Variants in CNTN5 observed in about 807,000 individuals in gnomAD.
The protein encoded by CNTN5 is contactin 5, also known as contactin-5.
Under a neutral mutation model 129.1 loss-of-function variants are expected in CNTN5, and 77 were observed. The ratio of observed to expected loss-of-function variants is 0.60; its 90% CI spans 0.50 to 0.72. The LOEUF (loss-of-function observed/expected upper bound fraction) is 0.72. CNTN5 is among the 30% of genes least tolerant of loss of function. The pLI is 0.00. For synonymous variants in CNTN5, 509 were observed against 465.6 expected, an observed-to-expected ratio of 1.09 and a Z score of -1.20; for missense variants, 1,478 against 1,328.8, an observed-to-expected ratio of 1.11 and a Z score of -1.75.
rs1353205706 is a variant in CNTN5, at chr11:100,286,480, C to A, written c.2315-11145C>A. ...CCCAAGCAGCCTAACTGGGAGGCAC[C>A]CCCCAGCAGGGGCACACTGACACCT... On this transcript the variant is annotated intron_variant, in intron 18 of 24. Coordinates refer to ENST00000524871, the MANE Select transcript of CNTN5 (RefSeq NM_014361.4). Among the ~76,000 whole-genome samples the A allele has an allele frequency of 3.3e-5, 5 of 150,620 alleles. No individual in the cohort carries two copies. The East Asian group carries it at 9.8e-4, about 30-fold the overall frequency.
At chr11:99,786,660 T>C (rs992354051) in intron 3 of CNTN5, among the ~76,000 whole-genome samples, 4 of 152,064 alleles carry the variant, frequency 2.6e-5, no homozygotes, top group Non-Finnish European at 5.9e-5. Context: ...AACAGACATA[T>C]AGACCAATGG....
intron 1 of CNTN5, among the ~76,000 whole-genome samples, chr11:99,314,952 G>A (rs934264161): frequency 6.7e-6 from 1 of 148,702 alleles, no homozygotes; most frequent in Non-Finnish European, 1.5e-5. Flanking sequence ...GTAGCTCTGT[G>A]GGTGGGGGGA....
chr11:99,025,294 T>G (rs1441739845), intron 1 of CNTN5, among the ~76,000 whole-genome samples: 1 of 151,944 alleles, frequency 6.6e-6, no homozygotes, highest in Non-Finnish European at 1.5e-5. Flanking sequence ...GGAAAGTGAC[T>G]AAACTGAACA....
chr11:99,635,085 T>C (rs1190698309), intron 3 of CNTN5, among the ~76,000 whole-genome samples: 1 of 152,218 alleles, frequency 6.6e-6, no homozygotes, highest in Non-Finnish European at 1.5e-5. Context: ...GGAAATGGTG[T>C]GGGTTTGACT....
chr11:100,323,861 AT>A (rs908335039), intron 21 of CNTN5, among the ~76,000 whole-genome samples: 1 of 151,446 alleles, frequency 6.6e-6, no homozygotes, highest in African/African-American at 2.4e-5. Flanking sequence ...TTTGGCTTTT[AT>A]TTTTTTCCAG....
chr11:100,034,357 A>G (rs999051482), intron 9 of CNTN5, among the ~76,000 whole-genome samples: 3 of 152,230 alleles, frequency 2.0e-5, no homozygotes, highest in Non-Finnish European at 4.4e-5. Context: ...TAAAGTTGCT[A>G]TCTCCTTTTT....
chr11:99,144,775 A>T (rs964691812), intron 1 of CNTN5, among the ~76,000 whole-genome samples: 1 of 151,958 alleles, frequency 6.6e-6, no homozygotes, highest in Admixed American at 6.6e-5. Context: ...TTTTAATGAT[A>T]TCTCTTTGTT....
intron 2 of CNTN5, among the ~76,000 whole-genome samples, chr11:99,355,385 G>A (rs906136869): frequency 1.3e-5 from 2 of 152,070 alleles, no homozygotes; most frequent in Admixed American, 1.3e-4. Context: ...AATGGACCCT[G>A]TGCTCTAAGA....
At chr11:99,116,793 G>T (rs12791892) in intron 1 of CNTN5, among the ~76,000 whole-genome samples, 6 of 152,118 alleles carry the variant, frequency 3.9e-5, no homozygotes, top group Non-Finnish European at 2.9e-5. Flanking sequence ...GGAAACAGAT[G>T]AATACATTTA....
intron 16 of CNTN5, among the ~76,000 whole-genome samples, chr11:100,232,098 GA>G (rs1949503415): frequency 6.6e-6 from 1 of 152,134 alleles, no homozygotes; most frequent in African/African-American, 2.4e-5. Flanking sequence ...AGGTTGCAGT[GA>G]GCCGAGATTG....
chr11:99,972,982 G>GT (rs1427600085), intron 8 of CNTN5, among the ~76,000 whole-genome samples: 2 of 105,080 alleles, frequency 1.9e-5, no homozygotes, highest in Middle Eastern at 4.8e-3. Flanking sequence ...CTTGCGACAT[G>GT]TTTTTTTAAA....
chr11:99,540,582 T>A (rs1182938551), intron 2 of CNTN5, among the ~76,000 whole-genome samples: 4 of 151,796 alleles, frequency 2.6e-5, no homozygotes, highest in East Asian at 3.9e-4. Context: ...CAAGAAAAAA[T>A]TTTTTTCAAA....
rs562770115 is a variant in CNTN5 at position 99,741,329 on chromosome 11, G to T, written c.56-78215G>T. Among the ~76,000 whole-genome samples the T allele has an allele frequency of 5.3e-5, 8 of 151,998 alleles. No individual in the cohort carries two copies. In the South Asian group the frequency reaches 6.2e-4, roughly 12 times the overall value. ...GGAACTATATTTGTCCAATTCAGTT[G>T]CACCTTTTTATTCTTTTTGTATTTC... On this transcript the variant is annotated intron_variant, in intron 3 of 24. Transcript: ENST00000524871.
At chr11:99,788,087 A>T (rs534298165) in intron 3 of CNTN5, among the ~76,000 whole-genome samples, 1 of 151,804 alleles carries the variant, frequency 6.6e-6, no homozygotes, top group South Asian at 2.1e-4. Flanking sequence ...AAAATCTCCC[A>T]TGGCTTTGCT....
intron 6 of CNTN5, among the ~76,000 whole-genome samples, chr11:99,887,491 T>C (rs547677998): frequency 2.9e-4 from 44 of 152,328 alleles, no homozygotes; most frequent in African/African-American, 9.6e-4. Context: ...GGGACAGAAC[T>C]TATAGGATAG....
intron 3 of CNTN5, among the ~76,000 whole-genome samples, chr11:99,780,897 G>C (rs989503940): frequency 9.9e-5 from 15 of 152,002 alleles, no homozygotes; most frequent in African/African-American, 3.6e-4. Flanking sequence ...TGGTAAATCA[G>C]GTGGGCTTAA....
chr11:99,592,287 G>C (rs1950002225), intron 3 of CNTN5, among the ~76,000 whole-genome samples: 1 of 152,196 alleles, frequency 6.6e-6, no homozygotes, highest in Non-Finnish European at 1.5e-5. Context: ...ATGAGTAACA[G>C]TAGAAGTTCC....
chr11:100,000,759 C>A (rs1475775871), intron 8 of CNTN5, among the ~76,000 whole-genome samples: 1 of 152,228 alleles, frequency 6.6e-6, no homozygotes, highest in African/African-American at 2.4e-5. Context: ...TGTTTCCATA[C>A]ACCCTTGAAA....
intron 10 of CNTN5, among the ~76,000 whole-genome samples, chr11:100,066,682 G>C (rs1591170397): frequency 6.6e-6 from 1 of 151,828 alleles, no homozygotes; most frequent in Admixed American, 6.6e-5. Flanking sequence ...AAGTTATTAG[G>C]TTTGTTTTAA....
Sources: allele counts gnomAD v4.1 joint callset (sites outside exome capture counted in the v4.1 genomes callset), GRCh38; gene constraint gnomAD v4.1.1; transcripts MANE v1.5; gene names NCBI Gene and HGNC (gene_info 2026-07-23, HGNC 2026-07-21).